PRKCZ: variants seen among roughly 807,000 people sequenced by gnomAD.
PRKCZ encodes the protein protein kinase C zeta type.
A neutral mutation model predicts 79.5 loss-of-function variants in PRKCZ; 33 were observed. The observed-to-expected ratio is 0.41, with a 90% CI of 0.31 to 0.55. The LOEUF (loss-of-function observed/expected upper bound fraction) is 0.55, where lower values mean the gene tolerates loss of function less well. Among genes scored for constraint, PRKCZ ranks in the 20% least tolerant of loss-of-function variants. PRKCZ has a pLI of 0.19. For missense variants in PRKCZ, 578 were observed against 813.5 expected, an observed-to-expected ratio of 0.71 and a Z score of 3.52; for synonymous variants, 342 against 320.9, an observed-to-expected ratio of 1.07 and a Z score of -0.70.
At chr1:2,057,060 ACTG>A (rs2102223049) in intron 3 of PRKCZ, among the ~76,000 whole-genome samples, 1 of 152,162 alleles carries the variant, frequency 6.6e-6, no homozygotes, top group South Asian at 2.1e-4. Context: ...CCAAATGAAA[ACTG>A]CTCTTAACAA....
At chr1:2,078,115 C>A (rs1328163505) in intron 4 of PRKCZ, among the ~76,000 whole-genome samples, 2 of 152,178 alleles carry the variant, frequency 1.3e-5, no homozygotes, top group African/African-American at 4.8e-5. Context: ...CCTGGCCCCC[C>A]ACACAACATG....
chr1:2,153,138 G>A (rs146109394), intron 9 of PRKCZ, among the ~76,000 whole-genome samples: 17 of 152,356 alleles, frequency 1.1e-4, no homozygotes, highest in Admixed American at 2.6e-4. Context: ...CCTCAGTGAC[G>A]CGTGTGATTG....
At chr1:2,084,250 A>G (rs1664090760) in intron 4 of PRKCZ, among the ~76,000 whole-genome samples, 1 of 152,216 alleles carries the variant, frequency 6.6e-6, no homozygotes, top group African/African-American at 2.4e-5. Context: ...AAACAGCAAC[A>G]ACAAAAAACA....
chr1:2,085,848 A>G (rs1321940685), intron 4 of PRKCZ, among the ~76,000 whole-genome samples: 1 of 152,108 alleles, frequency 6.6e-6, no homozygotes, highest in Non-Finnish European at 1.5e-5. Context: ...TCTCACAGGC[A>G]GGTCTGCACT....
intron 4 of PRKCZ, chr1:2,116,198 C>G (rs567152535): frequency 6.6e-6 from 1 of 152,312 alleles, no homozygotes; most frequent in African/African-American, 2.4e-5. Context: ...CACTCTGGGT[C>G]GTGTGGGAAT....
At chr1:2,120,400 A>C (rs528683388) in intron 4 of PRKCZ, among the ~76,000 whole-genome samples, 4 of 142,498 alleles carry the variant, frequency 2.8e-5, no homozygotes, top group Non-Finnish European at 6.0e-5. Context: ...CCCCGGTTCA[A>C]GTGATTCTCC....
Position 2,055,582 on chromosome 1 carries a change from G to T in PRKCZ, c.193+20G>T, listed in dbSNP as rs772059696. The stretch of plus-strand genomic sequence containing the variant: ...GCGAAGGTAGCCCTTGTCCCATGTT[G>T]GCCAGAATCCTCAGCCTCAGGGGAC... On this transcript the variant is annotated intron_variant, in intron 2 of 17. Coordinates refer to ENST00000378567, the MANE Select transcript of PRKCZ (RefSeq NM_002744.6). 2 of 1,607,542 alleles carry T rather than the reference G, an allele frequency of 1.2e-6. No homozygotes were observed. The highest frequency in any genetic ancestry group is 2.2e-5 in the South Asian group (2 of 90,270).
At chr1:2,060,646 G>T (rs1390248649) in intron 4 of PRKCZ, among the ~76,000 whole-genome samples, 2 of 152,258 alleles carry the variant, frequency 1.3e-5, no homozygotes, top group African/African-American at 4.8e-5. Context: ...GCCAACCGGG[G>T]TCCCTGCACC....
chr1:2,147,008 A>C (rs1287670344), intron 7 of PRKCZ, among the ~76,000 whole-genome samples: 1 of 152,102 alleles, frequency 6.6e-6, no homozygotes, highest in Non-Finnish European at 1.5e-5. Context: ...CTCGTCATCC[A>C]GCCAGCCAGC....
At chr1:2,065,449 C>T (rs981171530) in intron 4 of PRKCZ, among the ~76,000 whole-genome samples, 75 of 152,242 alleles carry the variant, frequency 4.9e-4, no homozygotes, top group African/African-American at 1.6e-3. Context: ...GAGGCCCAGG[C>T]GGGTGGATCA....
In PRKCZ at chr1:2,145,224, C is replaced by T. The variant is rs909855725; in HGVS notation, c.553-803C>T. ...CTTTGACCTCATAGGTCCACTTTAG[C>T]GTAAGCAAATGAGACCGGCCCCAGA... On this transcript the variant is annotated intron_variant, in intron 6 of 17. Coordinates refer to ENST00000378567, the MANE Select transcript of PRKCZ (RefSeq NM_002744.6). 13 of 152,380 alleles carry T rather than the reference C, an allele frequency of 8.5e-5. No individual in the cohort carries two copies. In the South Asian group the frequency reaches 1.0e-3, roughly 12 times the overall value. The allele number at this position is 152,380 out of a possible 1,614,324, so 9.4% of individuals were successfully genotyped here.
chr1:2,119,369 C>G (rs993962837), intron 4 of PRKCZ, among the ~76,000 whole-genome samples: 1 of 152,046 alleles, frequency 6.6e-6, no homozygotes, highest in South Asian at 2.1e-4. Flanking sequence ...TGCCCACCAC[C>G]ATGCCCAACT....
intron 4 of PRKCZ, among the ~76,000 whole-genome samples, chr1:2,068,834 C>T (rs1343129969): frequency 6.6e-6 from 1 of 152,180 alleles, no homozygotes; most frequent in Non-Finnish European, 1.5e-5. Flanking sequence ...TGTGCTGGGC[C>T]GGCGCCTGGC....
At chr1:2,143,950 A>ACCTCCCCTGTGTCC (rs1553163299) in intron 5 of PRKCZ, 1 of 427,948 alleles carries the variant, frequency 2.3e-6, no homozygotes, top group Non-Finnish European at 4.2e-6. Context: ...GCCCGATGGC[A>ACCTCCCCTGTGTCC]CCTCCCCTGT....
intron 7 of PRKCZ, among the ~76,000 whole-genome samples, chr1:2,147,949 T>C (rs1160456357): frequency 6.7e-6 from 1 of 149,930 alleles, no homozygotes; most frequent in East Asian, 2.0e-4. Context: ...CATCTATCTA[T>C]TGTCCACTGA....
At chr1:2,164,628 C>G (rs975418463) in intron 10 of PRKCZ, among the ~76,000 whole-genome samples, 6 of 152,232 alleles carry the variant, frequency 3.9e-5, no homozygotes, top group African/African-American at 1.4e-4. Context: ...CAGCCTAAAA[C>G]CATGAGCGTT....
chr1:2,147,005 T>TCCAG (rs909731739), intron 7 of PRKCZ, among the ~76,000 whole-genome samples: 16 of 151,918 alleles, frequency 1.1e-4, no homozygotes, highest in Middle Eastern at 3.4e-3. Flanking sequence ...CATCTCGTCA[T>TCCAG]CCAGCCAGCC....
rs375608857 is a variant in PRKCZ, at chr1:2,185,362, G to A, written c.*353G>A. The A allele has an allele frequency of 1.8e-4, 127 of 718,662 alleles. 2 individuals carry two copies. The East Asian group carries it at 2.7e-3, about 15-fold the overall frequency. 44.5% of individuals were successfully genotyped at this position (718,662 alleles called of 1,614,324 possible). ...TCCGCCAGGAAAGTGAGCGTGTAGC[G>A]TCCTGAGGAATAAAATGTTCCGATG... On this transcript the variant is annotated 3_prime_UTR_variant, in exon 18 of 18. Coordinates refer to ENST00000378567, the MANE Select transcript of PRKCZ (RefSeq NM_002744.6).
At chr1:2,120,619 TCCTGTTCTCTCTCCCCTGGGACC>T (rs1227587678) in intron 4 of PRKCZ, among the ~76,000 whole-genome samples, 23 of 151,850 alleles carry the variant, frequency 1.5e-4, no homozygotes, top group Admixed American at 1.5e-3. Flanking sequence ...TCAAATAGCA[TCCTGTTCTCTCTCCCCTGGGACC>T]CCCACACTTC....
Sources: allele counts gnomAD v4.1 joint callset (sites outside exome capture counted in the v4.1 genomes callset), GRCh38; gene constraint gnomAD v4.1.1; transcripts MANE v1.5; gene names NCBI Gene and HGNC (gene_info 2026-07-23, HGNC 2026-07-21).